Variants in MTHFD2L observed in about 807,000 individuals in gnomAD.
MTHFD2L encodes the protein bifunctional methylenetetrahydrofolate dehydrogenase/cyclohydrolase 2, mitochondrial.
A neutral mutation model predicts 34.9 loss-of-function variants in MTHFD2L; 29 were observed. The observed-to-expected ratio is 0.83, with a 90% CI of 0.62 to 1.13. The LOEUF (loss-of-function observed/expected upper bound fraction) is 1.13, where lower values mean the gene tolerates loss of function less well. MTHFD2L is among the 50% of genes most tolerant of loss of function. MTHFD2L has a pLI of 0.00. For synonymous variants in MTHFD2L, 167 were observed against 155.7 expected, an observed-to-expected ratio of 1.07 and a Z score of -0.54; for missense variants, 481 against 446.5, an observed-to-expected ratio of 1.08 and a Z score of -0.70.
chr4:74,231,510 C>T (rs1560512600), intron 6 of MTHFD2L, among the ~76,000 whole-genome samples: 1 of 152,150 alleles, frequency 6.6e-6, no homozygotes, highest in Non-Finnish European at 1.5e-5. Context: ...TTCCATATCT[C>T]ATTTCTTATT....
In MTHFD2L at chr4:74,302,658, A is replaced by T. The variant is rs960887455; in HGVS notation, c.*849A>T. On this transcript the variant is annotated 3_prime_UTR_variant, in exon 8 of 8. Transcript: ENST00000325278. ...AAAACTAAAGTTGTATTTTCCCACA[A>T]ATATAGTATGAATGAGGTCATATTA... 43 of 152,166 alleles carry T rather than the reference A, an allele frequency of 2.8e-4. No homozygotes were observed. Among genetic ancestry groups the T allele is most frequent in the African/African-American group, 9.9e-4 (41 of 41,462 alleles). 9.4% of individuals were successfully genotyped at this position (152,166 alleles called of 1,614,324 possible).
At chr4:74,129,492 T>C (rs915999813) in intron 1 of MTHFD2L, among the ~76,000 whole-genome samples, 1 of 151,444 alleles carries the variant, frequency 6.6e-6, no homozygotes, top group Non-Finnish European at 1.5e-5. Context: ...CCCGGATAAC[T>C]AAATGAAACA....
intron 6 of MTHFD2L, among the ~76,000 whole-genome samples, chr4:74,243,653 T>A (rs1241706230): frequency 6.6e-6 from 1 of 152,186 alleles, no homozygotes; most frequent in Non-Finnish European, 1.5e-5. Flanking sequence ...TTTTTCATGT[T>A]GCTAAATGAA....
At chr4:74,224,318 C>A (rs766909530) in intron 5 of MTHFD2L, among the ~76,000 whole-genome samples, 3 of 152,112 alleles carry the variant, frequency 2.0e-5, no homozygotes, top group Non-Finnish European at 4.4e-5. Flanking sequence ...CCGCTGCCGG[C>A]CATGTTGTCA....
chr4:74,157,679 G>C, upstream of MTHFD2L: 1 of 457,412 alleles, frequency 2.2e-6, no homozygotes, highest in Non-Finnish European at 4.4e-6. Flanking sequence ...TCTCACAAAG[G>C]AAGTGGGAAA....
intron 3 of MTHFD2L, among the ~76,000 whole-genome samples, chr4:74,189,546 C>T (rs1732097316): frequency 7.5e-6 from 1 of 132,582 alleles, no homozygotes; most frequent in Non-Finnish European, 1.5e-5. Context: ...GTGAGTAAAT[C>T]ACTGAGATAT....
In MTHFD2L at chr4:74,199,846, A is replaced by G. The variant is rs146594337; in HGVS notation, c.504A>G (p.Val168=). The change falls in exon 4 of 8, where the codon GTA becomes GTG. Residue 168 remains valine, a synonymous_variant. Coordinates refer to ENST00000325278, the MANE Select transcript of MTHFD2L (RefSeq NM_001144978.3). ...ICNGIAPEKD[V]DGFHIINIGR... ...ATGGAATTGCCCCAGAAAAAGATGT[A>G]GATGGATTTCATATTATCAATATTG... 1.7e-5 allele frequency: 27 copies of G among 1,613,948 alleles called. No homozygotes were observed. The highest frequency in any genetic ancestry group is 2.2e-5 in the Non-Finnish European group (26 of 1,179,844).
intron 7 of MTHFD2L, among the ~76,000 whole-genome samples, chr4:74,296,406 T>C (rs1209795133): frequency 6.6e-6 from 1 of 152,142 alleles, no homozygotes; most frequent in Admixed American, 6.6e-5. Context: ...TGTCCCCATG[T>C]GTACATCCCC....
At chr4:74,250,337 T>C (rs1036833241) in intron 6 of MTHFD2L, among the ~76,000 whole-genome samples, 1 of 152,184 alleles carries the variant, frequency 6.6e-6, no homozygotes, top group Non-Finnish European at 1.5e-5. Flanking sequence ...GGTAGATGTG[T>C]AGAGAGGCCT....
intron 6 of MTHFD2L, among the ~76,000 whole-genome samples, chr4:74,239,549 T>C (rs1002076529): frequency 2.2e-4 from 34 of 152,038 alleles, no homozygotes; most frequent in Admixed American, 1.2e-3. Flanking sequence ...CCCACATTTA[T>C]TTTTGTTTAA....
intron 5 of MTHFD2L, among the ~76,000 whole-genome samples, chr4:74,217,984 G>T (rs1256098536): frequency 6.6e-6 from 1 of 152,124 alleles, no homozygotes; most frequent in African/African-American, 2.4e-5. Context: ...AGTAAATAAT[G>T]ATGCTCTTGA....
chr4:74,255,137 A>T (rs1476207935), intron 6 of MTHFD2L, among the ~76,000 whole-genome samples: 33 of 4,746 alleles, frequency 7.0e-3, no homozygotes, highest in Non-Finnish European at 0.016. Flanking sequence ...CTCCATCTCC[A>T]AAAAAAAAAA....
At chr4:74,124,987 C>T (rs1231686687), upstream of MTHFD2L, among the ~76,000 whole-genome samples, 1 of 151,958 alleles carries the variant, frequency 6.6e-6, no homozygotes, top group Non-Finnish European at 1.5e-5. Context: ...GTACTGACAT[C>T]TGGTTAGTTT....
chr4:74,119,312 G>T (rs560450689), upstream of MTHFD2L, among the ~76,000 whole-genome samples: 5 of 152,166 alleles, frequency 3.3e-5, no homozygotes, highest in Middle Eastern at 3.4e-3. Flanking sequence ...ACTTCCATCC[G>T]CACCTCTTTC....
intron 6 of MTHFD2L, chr4:74,268,237 A>C: frequency 1.0e-6 from 1 of 982,958 alleles, no homozygotes; most frequent in Non-Finnish European, 1.2e-6. Context: ...CCATTATATT[A>C]CTGTCTGCAA....
chr4:74,238,986 T>C (rs956204749), intron 6 of MTHFD2L, among the ~76,000 whole-genome samples: 1 of 152,226 alleles, frequency 6.6e-6, no homozygotes, highest in Non-Finnish European at 1.5e-5. Context: ...CATTACTGGG[T>C]ATACACCCAA....
At chr4:74,190,401 A>G (rs1348102900) in intron 3 of MTHFD2L, 1 of 866,440 alleles carries the variant, frequency 1.2e-6, no homozygotes, top group Non-Finnish European at 1.4e-6. Flanking sequence ...TTTATTTTTT[A>G]TTTTTTTACA....
chr4:74,257,465 G>A (rs565422414), intron 6 of MTHFD2L, among the ~76,000 whole-genome samples: 1 of 152,040 alleles, frequency 6.6e-6, no homozygotes, highest in African/African-American at 2.4e-5. Flanking sequence ...TACCCAAAAG[G>A]GAACAGAAGG....
At chr4:74,120,501 G>A (rs1488015610), upstream of MTHFD2L, among the ~76,000 whole-genome samples, 2 of 152,190 alleles carry the variant, frequency 1.3e-5, no homozygotes, top group Non-Finnish European at 2.9e-5. Flanking sequence ...GTATATGCAT[G>A]GACGGACCGA....
Sources: allele counts gnomAD v4.1 joint callset (sites outside exome capture counted in the v4.1 genomes callset), GRCh38; gene constraint gnomAD v4.1.1; transcripts MANE v1.5; gene names NCBI Gene and HGNC (gene_info 2026-07-23, HGNC 2026-07-21).